Variants in C12orf50 observed in about 807,000 individuals in gnomAD.
The protein encoded by C12orf50 is uncharacterized protein C12orf50.
A neutral mutation model predicts 61.6 loss-of-function variants in C12orf50; 35 were observed. That is an observed-to-expected ratio of 0.57 (90% CI 0.43 to 0.75). The LOEUF is 0.75. C12orf50 is among the 30% of genes least tolerant of loss of function. The pLI is 0.00. For synonymous variants in C12orf50, 178 were observed against 161.5 expected (o/e 1.10, Z -0.77); for missense variants, 475 against 488.5 (o/e 0.97, Z 0.26).
At chr12:87,990,672 C>T (rs1449966018) in intron 7 of C12orf50, among the ~76,000 whole-genome samples, 5 of 151,956 alleles carry the variant, frequency 3.3e-5, no homozygotes, top group Non-Finnish European at 7.4e-5. Context: ...ACGGATTTTT[C>T]CCTGAAAGCA....
chr12:88,026,443 A>C (rs1448530682), intron 3 of C12orf50, 45 bp downstream of exon 3: 2 of 1,589,862 alleles, frequency 1.3e-6, no homozygotes, highest in South Asian at 2.3e-5. Flanking sequence ...GTCCAAAACC[A>C]GATTAGAATA....
upstream of C12orf50, chr12:88,029,441 T>C (rs1364283164): frequency 6.2e-6 from 1 of 160,436 alleles, no homozygotes; most frequent in Admixed American, 6.4e-5. Flanking sequence ...TGTTTGCTCA[T>C]CATAAATGAC....
At chr12:87,980,710 C>A (rs1007133159) in intron 12 of C12orf50, among the ~76,000 whole-genome samples, 3 of 152,168 alleles carry the variant, frequency 2.0e-5, no homozygotes, top group South Asian at 4.1e-4. Flanking sequence ...AAGAGAAGGT[C>A]ACCAATGAGA....
At position 88,015,717 on chromosome 12, in the gene C12orf50, A is replaced by G. The variant is rs1043752768; in HGVS notation, c.133+10771T>C. ...TAGGGAATTTTTATGGTAAATATTA[A>G]CAGAATTATGTTTTCTTAGCATTCT... On this transcript the variant is annotated intron_variant, in intron 3 of 12. Coordinates refer to ENST00000298699, the MANE Select transcript of C12orf50 (RefSeq NM_152589.3). Among the ~76,000 whole-genome samples, 3 of 152,224 alleles carry G rather than the reference A, an allele frequency of 2.0e-5. No homozygotes were observed. The East Asian group carries it at 5.8e-4, about 29-fold the overall frequency.
At chr12:87,989,400 A>G in intron 7 of C12orf50, 29 bp from the exon 8 acceptor site, 1 of 1,493,796 alleles carries the variant, frequency 6.7e-7, no homozygotes, top group Non-Finnish European at 9.3e-7. Flanking sequence ...GTCAGTGGCA[A>G]CAATGGCAGA....
chr12:87,996,747 G>T, intron 4 of C12orf50, 101 bp from the exon 5 acceptor site: 1 of 777,318 alleles, frequency 1.3e-6, no homozygotes, highest in South Asian at 1.8e-5. Flanking sequence ...CTCATGGATA[G>T]ATTACTTTTT....
chr12:87,986,167 A>C, intron 10 of C12orf50, 114 bp from the exon 11 acceptor site: 1 of 1,328,744 alleles, frequency 7.5e-7, no homozygotes, highest in Middle Eastern at 2.2e-4. Flanking sequence ...AGAAGCCAAA[A>C]TAATTAAGTT....
At chr12:88,012,174 C>T (rs577965871) in intron 3 of C12orf50, among the ~76,000 whole-genome samples, 2 of 152,294 alleles carry the variant, frequency 1.3e-5, no homozygotes, top group South Asian at 4.1e-4. Context: ...GGAGTCTCTA[C>T]AAGGGAGTAC....
At chr12:87,996,346 C>T (rs2031389810) in intron 6 of C12orf50, 28 bp downstream of exon 6, 7 of 1,437,406 alleles carry the variant, frequency 4.9e-6, no homozygotes, top group Non-Finnish European at 3.9e-6. Context: ...TTATAGATCA[C>T]TATGAATGCT....
At chr12:88,013,718 T>G (rs767004364) in intron 3 of C12orf50, among the ~76,000 whole-genome samples, 9 of 152,254 alleles carry the variant, frequency 5.9e-5, no homozygotes, top group Non-Finnish European at 1.2e-4. Flanking sequence ...CATGGACAGC[T>G]GGTGTTCACT....
At chr12:87,982,798 CAA>C (rs35641230) in intron 12 of C12orf50, among the ~76,000 whole-genome samples, 35 of 113,702 alleles carry the variant, frequency 3.1e-4, no homozygotes, top group Middle Eastern at 5.5e-3. Context: ...CGCAGCACAG[CAA>C]AAAAAAAAAA....
At chr12:88,014,240 T>C (rs1023450103) in intron 3 of C12orf50, among the ~76,000 whole-genome samples, 5 of 152,098 alleles carry the variant, frequency 3.3e-5, no homozygotes, top group Non-Finnish European at 7.4e-5. Context: ...ACAAAAAGCA[T>C]TGGAGTATAC....
chr12:88,005,537 C>T (rs985482908), intron 3 of C12orf50, among the ~76,000 whole-genome samples: 2 of 152,336 alleles, frequency 1.3e-5, no homozygotes, highest in East Asian at 1.9e-4. Flanking sequence ...CACAGTTTAA[C>T]CCAAGTAAAT....
chr12:87,990,743 A>T (rs1457603720), intron 7 of C12orf50, among the ~76,000 whole-genome samples: 1 of 152,130 alleles, frequency 6.6e-6, no homozygotes, highest in African/African-American at 2.4e-5. Context: ...GGTGAAAAAG[A>T]AAGAGCCGAA....
Position 88,002,095 on chromosome 12 carries a change from T to C in C12orf50, c.134-3905A>G, listed in dbSNP as rs77796925. ...TGTCTTAAGGTATAAGTCTAGGTTA[T>C]CTATTCGAGATTTTTAAAAAATATA... On this transcript the variant is annotated intron_variant, in intron 3 of 12. Transcript: ENST00000298699. 1.3e-3 allele frequency among the ~76,000 whole-genome samples: 205 copies of C among 151,934 alleles called. 1 individual carries two copies. The highest frequency in any genetic ancestry group is 4.8e-3 in the African/African-American group (201 of 41,558).
Position 87,987,923 on chromosome 12 carries a change from T to G in C12orf50, c.744A>C (p.Arg248=). The G allele has an allele frequency of 6.2e-7, 1 of 1,611,966 alleles. No individual in the cohort carries two copies. The highest frequency in any genetic ancestry group is 1.1e-5 in the South Asian group (1 of 90,958). The change falls in exon 9 of 13, where the codon CGA becomes CGC. Residue 248 remains arginine (R), a synonymous_variant. Transcript: ENST00000298699. ...SPHPKHSLTT[R]LVPTTHVLNA... ...TTAATACATGCGTTGTAGGTACTAG[T>G]CGGGTAGTTAGGGAATGCTTTGGAT...
intron 7 of C12orf50, among the ~76,000 whole-genome samples, chr12:87,989,595 G>T (rs1003570184): frequency 6.6e-6 from 1 of 151,794 alleles, no homozygotes; most frequent in African/African-American, 2.4e-5. Flanking sequence ...ATAGATAATT[G>T]CAAGAAAATT....
At chr12:87,994,399 G>A (rs1313200759) in intron 7 of C12orf50, among the ~76,000 whole-genome samples, 1 of 151,418 alleles carries the variant, frequency 6.6e-6, no homozygotes, top group Non-Finnish European at 1.5e-5. Context: ...CACACACACA[G>A]GTTTCTCATT....
chr12:87,996,294 T>G (rs1462526863), intron 6 of C12orf50, 80 bp downstream of exon 6: 2 of 979,646 alleles, frequency 2.0e-6, no homozygotes, highest in African/African-American at 3.2e-5. Flanking sequence ...TATTCTTCTG[T>G]ACATCATACT....
Sources: allele counts gnomAD v4.1 joint callset (sites outside exome capture counted in the v4.1 genomes callset), GRCh38; gene constraint gnomAD v4.1.1; transcripts MANE v1.5; gene names NCBI Gene and HGNC (gene_info 2026-07-23, HGNC 2026-07-21).